The following EXOC2 variants were observed in gnomAD, a reference collection of about 807,000 sequenced individuals.
The protein encoded by EXOC2 is exocyst complex component 2.
A neutral mutation model predicts 131.8 loss-of-function variants in EXOC2; 70 were observed. The ratio of observed to expected loss-of-function variants is 0.53; its 90% confidence interval spans 0.44 to 0.65. EXOC2 has a LOEUF of 0.65. Ranked by LOEUF, EXOC2 falls within the 30% of genes least tolerant of loss-of-function variation. EXOC2 has a pLI of 0.00. For synonymous variants in EXOC2, 411 were observed against 398.4 expected, an observed-to-expected ratio of 1.03 and a Z score of -0.38; for missense variants, 923 against 1,108.6, an observed-to-expected ratio of 0.83 and a Z score of 2.38.
At chr6:562,451 C>T (rs1392960774) in intron 17 of EXOC2, among the ~76,000 whole-genome samples, 2 of 152,174 alleles carry the variant, frequency 1.3e-5, no homozygotes, top group South Asian at 2.1e-4. Flanking sequence ...GAGCCAGCAA[C>T]GTCATCTCTT....
chr6:656,846 G>A (rs1439403326), intron 1 of EXOC2: 4 of 1,610,810 alleles, frequency 2.5e-6, no homozygotes, highest in Non-Finnish European at 2.5e-6. Context: ...CAGGGCGCAC[G>A]CGGAGCACGC....
At chr6:515,998 T>C (rs929944329) in intron 23 of EXOC2, among the ~76,000 whole-genome samples, 4 of 152,182 alleles carry the variant, frequency 2.6e-5, no homozygotes, top group African/African-American at 9.7e-5. Flanking sequence ...CATTTGGAAA[T>C]CATTGGAGCC....
At chr6:597,900 T>C (rs75327155) in intron 10 of EXOC2, 121 bp downstream of exon 10, 85,104 of 654,186 alleles carry the variant, frequency 0.13, 6,471 homozygotes, top group Non-Finnish European at 0.16. Context: ...CTGCTATTTG[T>C]CTTCCCCTTC....
At chr6:675,648 C>A (rs779757500) in intron 1 of EXOC2, among the ~76,000 whole-genome samples, 2,687 of 36,236 alleles carry the variant, frequency 0.074, 1,098 homozygotes, top group East Asian at 0.44. Flanking sequence ...GTTCCTCTGG[C>A]GACTGCAGTT....
intron 11 of EXOC2, among the ~76,000 whole-genome samples, chr6:588,845 A>AAT (rs997726017): frequency 3.5e-4 from 53 of 152,264 alleles, no homozygotes; most frequent in African/African-American, 1.2e-3. Flanking sequence ...ATTTAGAATG[A>AAT]ATATATATAG....
intron 23 of EXOC2, among the ~76,000 whole-genome samples, chr6:511,602 T>C (rs1434792475): frequency 6.6e-6 from 1 of 152,240 alleles, no homozygotes; most frequent in East Asian, 1.9e-4. Context: ...AAGAGAGGGC[T>C]GCACGGGGGC....
chr6:619,824 GA>G (rs1204003735), intron 4 of EXOC2, among the ~76,000 whole-genome samples: 1 of 152,104 alleles, frequency 6.6e-6, no homozygotes, highest in Non-Finnish European at 1.5e-5. Flanking sequence ...GTTTAAAGAG[GA>G]TTAAGACATC....
At chr6:598,515 T>C (rs1181002456) in intron 9 of EXOC2, among the ~76,000 whole-genome samples, 1 of 152,234 alleles carries the variant, frequency 6.6e-6, no homozygotes, top group East Asian at 1.9e-4. Context: ...AATTCTTCAG[T>C]CTATGGGTCT....
chr6:541,562 G>A (rs1375740059), intron 22 of EXOC2, among the ~76,000 whole-genome samples: 1 of 134,980 alleles, frequency 7.4e-6, no homozygotes, highest in Non-Finnish European at 1.7e-5. Flanking sequence ...CCATATCGCA[G>A]CTGAGGTTGA....
At chr6:512,717 A>G (rs146367580) in intron 23 of EXOC2, among the ~76,000 whole-genome samples, 2 of 152,284 alleles carry the variant, frequency 1.3e-5, no homozygotes, top group East Asian at 3.9e-4. Context: ...GTTTCTTGGT[A>G]AGAGTGATAA....
At chr6:578,156 A>G (rs1758687671) in intron 11 of EXOC2, among the ~76,000 whole-genome samples, 1 of 152,232 alleles carries the variant, frequency 6.6e-6, no homozygotes, top group Non-Finnish European at 1.5e-5. Flanking sequence ...ACACTAAAAA[A>G]TATATTTTTT....
intron 1 of EXOC2, among the ~76,000 whole-genome samples, chr6:646,349 T>TG (rs945076554): frequency 1.4e-4 from 21 of 152,008 alleles, no homozygotes; most frequent in African/African-American, 4.8e-4. Context: ...ATACAGAAAT[T>TG]GGGGAAAAAG....
intron 7 of EXOC2, among the ~76,000 whole-genome samples, chr6:609,556 T>C (rs2127661935): frequency 6.6e-6 from 1 of 152,304 alleles, no homozygotes; most frequent in East Asian, 1.9e-4. Context: ...ACTCAAAACT[T>C]TGCACATAGC....
At chr6:690,449 G>C (rs1490140661) in intron 1 of EXOC2, among the ~76,000 whole-genome samples, 1 of 152,160 alleles carries the variant, frequency 6.6e-6, no homozygotes, top group Non-Finnish European at 1.5e-5. Context: ...AGGGGTTCAC[G>C]CCTGTAATCC....
At chr6:600,716 G>C (rs1318318885) in intron 7 of EXOC2, among the ~76,000 whole-genome samples, 2 of 151,848 alleles carry the variant, frequency 1.3e-5, no homozygotes, top group Admixed American at 6.5e-5. Flanking sequence ...ACAAGTACAG[G>C]AAGAAAACTC....
intron 22 of EXOC2, among the ~76,000 whole-genome samples, chr6:536,700 T>C (rs867692850): frequency 6.6e-6 from 1 of 152,172 alleles, no homozygotes; most frequent in South Asian, 2.1e-4. Flanking sequence ...ATAGACATCA[T>C]AGACCTAAAC....
At chr6:636,502 G>A (rs1762108127) in intron 2 of EXOC2, among the ~76,000 whole-genome samples, 1 of 152,192 alleles carries the variant, frequency 6.6e-6, no homozygotes, top group Non-Finnish European at 1.5e-5. Flanking sequence ...GCTAGGCAGT[G>A]CAAAACTCAG....
chr6:675,704 CTG>C (rs1764087531), intron 1 of EXOC2, among the ~76,000 whole-genome samples: 1 of 97,936 alleles, frequency 1.0e-5, no homozygotes, highest in African/African-American at 3.7e-5. Context: ...CCTCTGGAGA[CTG>C]CGGTTCCCCA....
intron 23 of EXOC2, among the ~76,000 whole-genome samples, chr6:504,648 T>C (rs1764427336): frequency 6.6e-6 from 1 of 152,130 alleles, no homozygotes; most frequent in African/African-American, 2.4e-5. Context: ...CGTATGACCT[T>C]CCACAACTCA....
Sources: gnomAD v4.1 joint callset for allele counts (sites outside exome capture counted in the v4.1 genomes callset) on GRCh38, gnomAD v4.1.1 for gene constraint, MANE v1.5 for transcripts, NCBI Gene and HGNC (gene_info 2026-07-23, HGNC 2026-07-21) for gene names.